Variants in ACMSD observed in about 807,000 individuals in gnomAD.
ACMSD encodes aminocarboxymuconate semialdehyde decarboxylase.
In ACMSD, 37 loss-of-function variants were observed where a neutral mutation model predicts 45.9. That is an observed-to-expected ratio of 0.81 (90% CI 0.62 to 1.06). ACMSD has a LOEUF of 1.06. Among genes scored for constraint, ACMSD ranks in the 50% least tolerant of loss-of-function variants. The probability of loss-of-function intolerance (pLI) is 0.00; values close to 1 mark genes in which losing one functional copy is unlikely to be tolerated. For synonymous variants in ACMSD, 138 were observed against 148.8 expected (o/e 0.93, Z 0.53); for missense variants, 434 against 420.9 (o/e 1.03, Z -0.27).
At chr2:134,841,060 T>C (rs1215912123) in intron 1 of ACMSD, among the ~76,000 whole-genome samples, 5 of 152,250 alleles carry the variant, frequency 3.3e-5, no homozygotes, top group Non-Finnish European at 7.3e-5. Context: ...AGTAGTCTCA[T>C]ATGCTGCAAG....
chr2:134,869,726 A>ATC (rs1359827503), intron 6 of ACMSD, among the ~76,000 whole-genome samples: 2 of 151,790 alleles, frequency 1.3e-5, no homozygotes, highest in East Asian at 3.9e-4. Flanking sequence ...ATATATATAT[A>ATC]TCACAAGAAA....
At position 134,845,214 on chromosome 2, in the gene ACMSD, G is replaced by A. The variant is rs777072350; in HGVS notation, c.58-19G>A. On this transcript the variant is annotated intron_variant, in intron 1 of 9. Coordinates refer to ENST00000356140, the MANE Select transcript of ACMSD (RefSeq NM_138326.3). Reference sequence around the variant, plus strand: ...TGGTCTTTGCTCTTTGACTCTAACTGTGCTTCTCCCCACTGCAGAGGTTTG... The same window carrying A: ...TGGTCTTTGCTCTTTGACTCTAACTATGCTTCTCCCCACTGCAGAGGTTTG... The A allele has an allele frequency of 3.7e-6, 6 of 1,613,952 alleles. No homozygotes were observed. The highest frequency in any genetic ancestry group is 5.1e-6 in the Non-Finnish European group (6 of 1,179,960).
At chr2:134,882,893 C>A (rs986348541) in intron 8 of ACMSD, among the ~76,000 whole-genome samples, 2 of 152,166 alleles carry the variant, frequency 1.3e-5, no homozygotes, top group African/African-American at 2.4e-5. Context: ...AAGTTTATTT[C>A]TTTTCCCTGA....
intron 2 of ACMSD, among the ~76,000 whole-genome samples, chr2:134,858,520 A>G (rs1687689103): frequency 6.6e-6 from 1 of 152,250 alleles, no homozygotes; most frequent in African/African-American, 2.4e-5. Flanking sequence ...TTTAAGTGTC[A>G]TCACCTCAAA....
intron 7 of ACMSD, 80 bp from the exon 8 acceptor site, chr2:134,872,389 A>G: frequency 1.3e-6 from 2 of 1,529,568 alleles, no homozygotes; most frequent in South Asian, 2.3e-5. Context: ...GGCCTACAGT[A>G]ACTTCTTGCA....
chr2:134,862,236 T>C (rs890444171), intron 4 of ACMSD, among the ~76,000 whole-genome samples: 1 of 152,170 alleles, frequency 6.6e-6, no homozygotes, highest in Admixed American at 6.5e-5. Flanking sequence ...GCTATGTGAC[T>C]TGCATTATAG....
chr2:134,847,784 G>T (rs1687142789), intron 2 of ACMSD, among the ~76,000 whole-genome samples: 1 of 151,956 alleles, frequency 6.6e-6, no homozygotes, highest in African/African-American at 2.4e-5. Context: ...CAAAGGACAT[G>T]AACTCATCCT....
In ACMSD at chr2:134,898,341, G is replaced by C. The variant is rs374431302; in HGVS notation, c.850G>C (p.Asp284His). Residue 284 changes from aspartate to histidine, a missense_variant and splice_region_variant, in exon 9 of 10, where the codon GAT (aspartate) becomes CAT (histidine). Transcript: ENST00000356140. Reference protein sequence around the residue: ...LKLLTDVIGKDKVILGTDYPF... With the variant: ...LKLLTDVIGKHKVILGTDYPF... ...GAGAAATATATATTTTGTTTTTTAG[G>C]ATAAAGTCATTTTGGGAACCGATTA... 1.3e-5 allele frequency: 21 copies of C among 1,575,874 alleles called. No homozygotes were observed. Among genetic ancestry groups the C allele is most frequent in the Non-Finnish European group, 1.7e-5 (20 of 1,164,480 alleles).
At chr2:134,851,740 G>A (rs1391294346) in intron 2 of ACMSD, among the ~76,000 whole-genome samples, 1 of 152,154 alleles carries the variant, frequency 6.6e-6, no homozygotes, top group Non-Finnish European at 1.5e-5. Flanking sequence ...ACCATGCCTG[G>A]CCACAATCCC....
chr2:134,872,231 A>G (rs537883829), intron 7 of ACMSD, among the ~76,000 whole-genome samples: 89 of 152,276 alleles, frequency 5.8e-4, no homozygotes, highest in East Asian at 1.2e-3. Flanking sequence ...TGCTAGGATT[A>G]TAGGTGTGAG....
intron 8 of ACMSD, among the ~76,000 whole-genome samples, chr2:134,886,811 GATGAC>G (rs1367641539): frequency 1.3e-5 from 2 of 152,130 alleles, no homozygotes; most frequent in African/African-American, 2.4e-5. Flanking sequence ...CTCTTTGGCA[GATGAC>G]ATGACATAAT....
At chr2:134,850,696 G>A (rs1687297889) in intron 2 of ACMSD, among the ~76,000 whole-genome samples, 1 of 152,002 alleles carries the variant, frequency 6.6e-6, no homozygotes, top group Admixed American at 6.6e-5. Context: ...TTGACTAAAT[G>A]CTCCTTTTTA....
chr2:134,861,990 C>T lies in ACMSD; in HGVS notation c.221C>T (p.Ser74Phe). The T allele has an allele frequency of 6.2e-7, 1 of 1,614,190 alleles. No homozygotes were observed. The highest frequency in any genetic ancestry group is 8.5e-7 in the Non-Finnish European group (1 of 1,180,032). Reference protein sequence around the residue: ...DQKGVTVQALSTVPVMFSYWA... With the variant: ...DQKGVTVQALFTVPVMFSYWA... Reference sequence around the variant, plus strand: ...CTAGGAGTAACAGTGCAAGCCCTTTCCACAGTTCCTGTCATGTTTAGCTAC... The same window carrying T: ...CTAGGAGTAACAGTGCAAGCCCTTTTCACAGTTCCTGTCATGTTTAGCTAC... Residue 74 changes from serine to phenylalanine, a missense_variant, in exon 4 of 10, where the codon TCC becomes TTC. Transcript: ENST00000356140.
chr2:134,863,247 C>T (rs915916614), intron 4 of ACMSD, 148 bp from the exon 5 acceptor site: 1 of 983,950 alleles, frequency 1.0e-6, no homozygotes, highest in Admixed American at 2.3e-5. Flanking sequence ...GTGGCCAGCA[C>T]CTTTCCCAAT....
At position 134,838,784 on chromosome 2, in the gene ACMSD, G is replaced by C. The variant is rs745433402; in HGVS notation, c.57+45G>C. The C allele has an allele frequency of 5.5e-5, 82 of 1,480,610 alleles. 1 individual carries two copies. The Admixed American group carries it at 1.4e-3, about 25-fold the overall frequency. 91.7% of individuals were successfully genotyped at this position (1,480,610 alleles called of 1,614,324 possible). On this transcript the variant is annotated intron_variant, in intron 1 of 9. Transcript: ENST00000356140. ...TGAATTATTTCTGAAACTTCTCCAGGGTTTCTCAATGCCTTTCTCTTCTTT... is the reference window on the plus strand; with the variant it reads ...TGAATTATTTCTGAAACTTCTCCAGCGTTTCTCAATGCCTTTCTCTTCTTT...
chr2:134,899,174 A>G (rs1264430493), intron 9 of ACMSD, among the ~76,000 whole-genome samples: 6 of 152,154 alleles, frequency 3.9e-5, no homozygotes, highest in Non-Finnish European at 7.4e-5. Flanking sequence ...CCTTTTGCAT[A>G]ATTCTTGGCT....
At chr2:134,863,657 C>A in intron 5 of ACMSD, 26 bp downstream of exon 5, 1 of 1,610,362 alleles carries the variant, frequency 6.2e-7, no homozygotes. Context: ...GCTCAGCCAA[C>A]GCCAGCCGCC....
chr2:134,895,374 A>AAAACGCAAGGGGGCCAGGTGCAGTGGCT, intron 8 of ACMSD, among the ~76,000 whole-genome samples: 1 of 96,310 alleles, frequency 1.0e-5, no homozygotes, highest in African/African-American at 3.9e-5. Flanking sequence ...TATATATGTT[A>AAAACGCAAGGGGGCCAGGTGCAGTGGCT]CAAAACATTG....
Position 134,861,403 on chromosome 2 carries a change from C to A in ACMSD, c.200-566C>A, listed in dbSNP as rs182764294. 1.1e-3 allele frequency among the ~76,000 whole-genome samples: 165 copies of A among 152,266 alleles called. 1 individual carries two copies. Among genetic ancestry groups the A allele is most frequent in the African/African-American group, 3.9e-3 (164 of 41,558 alleles). ...CTGTCCCTGAGAGAACAGTCATGAC[C>A]AACCCTCATTGAGTATTTACTTTGT... is the stretch of plus-strand genomic sequence containing the variant. On this transcript the variant is annotated intron_variant, in intron 3 of 9. Coordinates refer to ENST00000356140, the MANE Select transcript of ACMSD (RefSeq NM_138326.3).
Sources: allele counts gnomAD v4.1 joint callset (sites outside exome capture counted in the v4.1 genomes callset), GRCh38; gene constraint gnomAD v4.1.1; transcripts MANE v1.5; gene names NCBI Gene and HGNC (gene_info 2026-07-23, HGNC 2026-07-21).